Variants in LARGE1 observed in about 807,000 individuals in gnomAD.
LARGE1 encodes LARGE xylosyl- and glucuronyltransferase 1.
LARGE1 carries 43 observed loss-of-function variants against 87.6 expected under a neutral mutation model. That is an observed-to-expected ratio of 0.49 (90% CI 0.38 to 0.63). The LOEUF is 0.63. Ranked by LOEUF, LARGE1 falls within the 30% of genes least tolerant of loss-of-function variation. The probability of loss-of-function intolerance (pLI) is 0.00; values close to 1 mark genes in which losing one functional copy is unlikely to be tolerated. For missense variants in LARGE1, 802 were observed against 1,000.2 expected (o/e 0.80, Z 2.67); for synonymous variants, 434 against 394.6 (o/e 1.10, Z -1.18).
intron 1 of LARGE1, among the ~76,000 whole-genome samples, chr22:33,810,103 T>C (rs1432629954): frequency 6.6e-6 from 1 of 152,130 alleles, no homozygotes; most frequent in Non-Finnish European, 1.5e-5. Context: ...GCATGGGGGA[T>C]GGGAAGAGAA....
At chr22:33,236,542 A>G (rs1926260070) in intron 11 of LARGE1, among the ~76,000 whole-genome samples, 1 of 152,210 alleles carries the variant, frequency 6.6e-6, no homozygotes, top group Non-Finnish European at 1.5e-5. Flanking sequence ...CCCCTGGGTT[A>G]GTATTACAGC....
intron 11 of LARGE1, among the ~76,000 whole-genome samples, chr22:33,202,336 T>C (rs1204033179): frequency 6.6e-6 from 1 of 152,154 alleles, no homozygotes; most frequent in African/African-American, 2.4e-5. Context: ...GCAGGTCTCC[T>C]TGACCTCAGT....
intron 11 of LARGE1, among the ~76,000 whole-genome samples, chr22:33,229,410 C>T (rs1925895255): frequency 6.6e-6 from 1 of 150,686 alleles, no homozygotes; most frequent in African/African-American, 2.4e-5. Flanking sequence ...GACAAAAAGA[C>T]AAAACAGAAA....
intron 11 of LARGE1, among the ~76,000 whole-genome samples, chr22:33,245,681 C>T (rs145412089): frequency 0.047 from 7,098 of 152,172 alleles, 215 homozygotes; most frequent in Admixed American, 0.093. Context: ...GGCTGAGGTG[C>T]ACAGATCACC....
intron 1 of LARGE1, among the ~76,000 whole-genome samples, chr22:33,840,821 T>A (rs761372875): frequency 6.6e-5 from 10 of 152,090 alleles, no homozygotes; most frequent in Non-Finnish European, 1.5e-4. Flanking sequence ...CAAGGTTTCG[T>A]CACGTTGCCC....
intron 2 of LARGE1, among the ~76,000 whole-genome samples, chr22:33,651,225 CAAAAAAAAAAAAA>C (rs71187275): frequency 1.2e-4 from 7 of 56,584 alleles, no homozygotes; most frequent in South Asian, 1.5e-3. Context: ...ACTAAAAATA[CAAAAAAAAAAAAA>C]AAAATTAGCC....
At chr22:33,118,820 T>C in the LARGE1 span, among the ~76,000 whole-genome samples, 1 of 152,226 alleles carries the variant, frequency 6.6e-6, no homozygotes, top group Non-Finnish European at 1.5e-5. Flanking sequence ...GATCCATCTT[T>C]ATAAGGTTTC....
At chr22:33,617,186 C>T (rs1019434653) in intron 4 of LARGE1, among the ~76,000 whole-genome samples, 5 of 152,180 alleles carry the variant, frequency 3.3e-5, no homozygotes, top group Non-Finnish European at 7.3e-5. Flanking sequence ...AGTGAGAGCT[C>T]TATTTGTGGC....
intron 1 of LARGE1, among the ~76,000 whole-genome samples, chr22:33,851,216 T>G (rs1272768469): frequency 6.6e-6 from 1 of 152,226 alleles, no homozygotes. Flanking sequence ...ATTGGACTTG[T>G]TAACAGCTCA....
In LARGE1 at chr22:33,304,290, G is replaced by C. The variant is rs1209892242; in HGVS notation, c.1669C>G (p.Pro557Ala). ...TCAATGTCAGACAGGAACATGTAGG[G>C]AGTGCTGATGTGCTTCATGGCCACG... ...RNVAMKHISTPYMFLSDIDFL... is the reference protein window; with the variant it reads ...RNVAMKHISTAYMFLSDIDFL... Residue 557 changes from proline (P) to alanine (A), a missense_variant, in exon 12 of 15, where the codon CCC becomes GCC. Transcript: ENST00000397394. 1 of 1,614,160 alleles carries C rather than the reference G, an allele frequency of 6.2e-7. No homozygotes were observed. Among genetic ancestry groups the C allele is most frequent in the Non-Finnish European group, 8.5e-7 (1 of 1,180,058 alleles).
chr22:33,349,506 G>A (rs1038797339), intron 9 of LARGE1, among the ~76,000 whole-genome samples: 3 of 152,100 alleles, frequency 2.0e-5, no homozygotes, highest in Non-Finnish European at 4.4e-5. Flanking sequence ...CCGGACTGCT[G>A]GATCCTTCAA....
chr22:33,157,609 A>G (rs927874143), downstream of LARGE1, among the ~76,000 whole-genome samples: 1 of 152,146 alleles, frequency 6.6e-6, no homozygotes, highest in African/African-American at 2.4e-5. Flanking sequence ...CTACTTATCC[A>G]TACTTCCATA....
chr22:33,686,126 G>A (rs1049603428), intron 2 of LARGE1, among the ~76,000 whole-genome samples: 1 of 152,096 alleles, frequency 6.6e-6, no homozygotes, highest in Non-Finnish European at 1.5e-5. Context: ...CTTTCCTTGT[G>A]GGCACCTAAA....
intron 12 of LARGE1, among the ~76,000 whole-genome samples, chr22:33,288,547 C>T (rs1465910778): frequency 1.3e-5 from 2 of 152,170 alleles, no homozygotes; most frequent in Non-Finnish European, 2.9e-5. Flanking sequence ...CTCTGTGTCT[C>T]TGGAGACCCC....
At chr22:33,856,268 G>A (rs946913648) in intron 1 of LARGE1, among the ~76,000 whole-genome samples, 1 of 152,172 alleles carries the variant, frequency 6.6e-6, no homozygotes, top group Admixed American at 6.5e-5. Context: ...TCTCCACCCA[G>A]ACAAACACAT....
At chr22:33,714,701 C>T (rs2082859221) in intron 2 of LARGE1, among the ~76,000 whole-genome samples, 1 of 152,210 alleles carries the variant, frequency 6.6e-6, no homozygotes, top group Non-Finnish European at 1.5e-5. Flanking sequence ...AGGCCTGTGG[C>T]CTCCCTTGGC....
At chr22:33,082,716 T>C in the LARGE1 span, among the ~76,000 whole-genome samples, 1 of 152,314 alleles carries the variant, frequency 6.6e-6, no homozygotes, top group East Asian at 1.9e-4. Flanking sequence ...GAGAGATAGT[T>C]AGCAACAGAC....
chr22:33,814,530 T>C lies in LARGE1; in HGVS notation c.-82-52972A>G, dbSNP rs112871644. ...AAGTAAAAGAGTCTATCCTCAATTGTATTGATGGGCCTCATCTAATCAGCT... is the reference window on the plus strand; with the variant it reads ...AAGTAAAAGAGTCTATCCTCAATTGCATTGATGGGCCTCATCTAATCAGCT... On this transcript the variant is annotated intron_variant, in intron 1 of 14. Coordinates refer to ENST00000397394, the MANE Select transcript of LARGE1 (RefSeq NM_133642.5). 5.0e-3 allele frequency among the ~76,000 whole-genome samples: 756 copies of C among 152,268 alleles called. 6 individuals are homozygous for C. Among genetic ancestry groups the C allele is most frequent in the African/African-American group, 0.017 (699 of 41,566 alleles).
intron 5 of LARGE1, among the ~76,000 whole-genome samples, chr22:33,587,550 T>C (rs2078712042): frequency 6.6e-6 from 1 of 152,158 alleles, no homozygotes; most frequent in South Asian, 2.1e-4. Flanking sequence ...CTTTACCCAT[T>C]TTTCTGCGAG....
Sources: gnomAD v4.1 joint callset for allele counts (sites outside exome capture counted in the v4.1 genomes callset) on GRCh38, gnomAD v4.1.1 for gene constraint, MANE v1.5 for transcripts, NCBI Gene and HGNC (gene_info 2026-07-23, HGNC 2026-07-21) for gene names.